EMB: variants seen among roughly 807,000 people sequenced by gnomAD.
EMB encodes the protein embigin.
A neutral mutation model predicts 41.4 loss-of-function variants in EMB; 31 were observed. That is an observed-to-expected ratio of 0.75 (90% CI 0.56 to 1.01). The LOEUF (loss-of-function observed/expected upper bound fraction) is 1.01. Ranked by LOEUF, EMB falls within the 50% of genes least tolerant of loss-of-function variation. The pLI is 0.00. For missense variants in EMB, 379 were observed against 388.3 expected (o/e 0.98, Z 0.20); for synonymous variants, 137 against 140.4 (o/e 0.98, Z 0.17).
In EMB at chr5:50,412,240, C is replaced by CCACA. The variant is rs373420424; in HGVS notation, c.197-861_197-858dup. Among the ~76,000 whole-genome samples, 117 of 135,044 alleles carry CCACA rather than the reference C, an allele frequency of 8.7e-4. 1 individual carries two copies. The South Asian group carries it at 0.012, about 14-fold the overall frequency. The allele number at this position is 135,044 out of a possible 152,430, so 88.6% of individuals were successfully genotyped here. A position where few individuals can be genotyped will look rare whatever the true frequency, so the allele number is the denominator to read the frequency against. On this transcript the variant is annotated intron_variant, in intron 2 of 8. Coordinates refer to ENST00000303221, the MANE Select transcript of EMB (RefSeq NM_198449.3). ...CTTGAAAACAATACACACACACACA[C>CCACA]CACACACACACACACAGACACACAC... is the stretch of plus-strand genomic sequence containing the variant.
chr5:50,437,800 C>T (rs141517076), intron 1 of EMB, among the ~76,000 whole-genome samples: 5,486 of 152,176 alleles, frequency 0.036, 150 homozygotes, highest in South Asian at 0.08. Flanking sequence ...AAGCCACGTC[C>T]TCTGGAAGTT....
chr5:50,401,803 T>A (rs1305583014), intron 7 of EMB, among the ~76,000 whole-genome samples: 1 of 151,938 alleles, frequency 6.6e-6, no homozygotes, highest in Admixed American at 6.6e-5. Flanking sequence ...AAATAACAGA[T>A]GCCATAGCCC....
intron 1 of EMB, 108 bp from the exon 2 acceptor site, chr5:50,428,335 T>C: frequency 8.0e-7 from 1 of 1,255,276 alleles, no homozygotes; most frequent in Non-Finnish European, 1.1e-6. Context: ...AATGAAAAAC[T>C]GTGTTTTCAG....
intron 2 of EMB, among the ~76,000 whole-genome samples, chr5:50,426,793 C>T (rs904009382): frequency 6.7e-6 from 1 of 148,778 alleles, no homozygotes; most frequent in Admixed American, 6.8e-5. Context: ...ATCTTAACAG[C>T]AGTAAGAAGA....
At chr5:50,426,787 TAAC>T (rs1042598336) in intron 2 of EMB, among the ~76,000 whole-genome samples, 3 of 151,366 alleles carry the variant, frequency 2.0e-5, no homozygotes, top group Non-Finnish European at 4.4e-5. Flanking sequence ...TTAAAAATCT[TAAC>T]AGCAGTAAGA....
chr5:50,419,865 T>C (rs1207607658), intron 2 of EMB, among the ~76,000 whole-genome samples: 1 of 152,152 alleles, frequency 6.6e-6, no homozygotes, highest in East Asian at 1.9e-4. Flanking sequence ...AGGAACAAGA[T>C]CATGTCCTTT....
intron 2 of EMB, among the ~76,000 whole-genome samples, chr5:50,424,140 G>A (rs1251265593): frequency 1.3e-5 from 2 of 151,956 alleles, no homozygotes; most frequent in Admixed American, 6.6e-5. Flanking sequence ...CAGTTAACGG[G>A]TTTCATGCCC....
At chr5:50,425,486 T>C (rs1043304776) in intron 2 of EMB, among the ~76,000 whole-genome samples, 1 of 150,310 alleles carries the variant, frequency 6.7e-6, no homozygotes, top group Admixed American at 6.6e-5. Flanking sequence ...TAAACACTAA[T>C]ATGCAGAGAG....
chr5:50,430,269 A>G (rs563204461), intron 1 of EMB, among the ~76,000 whole-genome samples: 18 of 152,262 alleles, frequency 1.2e-4, no homozygotes, highest in African/African-American at 4.1e-4. Context: ...GTAAGCTTTG[A>G]TATCTTTGCT....
At chr5:50,428,642 A>T (rs964134663) in intron 1 of EMB, 23 of 653,910 alleles carry the variant, frequency 3.5e-5, no homozygotes, top group East Asian at 1.4e-4. Flanking sequence ...AAAGAGAATT[A>T]AAAAAAAAAA....
chr5:50,421,339 A>T (rs574627372), intron 2 of EMB, among the ~76,000 whole-genome samples: 1 of 152,328 alleles, frequency 6.6e-6, no homozygotes, highest in Non-Finnish European at 1.5e-5. Flanking sequence ...TCAAAACCAC[A>T]ATGAGATACC....
intron 4 of EMB, among the ~76,000 whole-genome samples, chr5:50,408,076 T>C (rs907794542): frequency 5.9e-5 from 9 of 151,990 alleles, no homozygotes; most frequent in African/African-American, 2.2e-4. Flanking sequence ...CCTAGCTGAT[T>C]CTATTATGCT....
At chr5:50,421,284 A>G (rs1451985274) in intron 2 of EMB, among the ~76,000 whole-genome samples, 2 of 151,854 alleles carry the variant, frequency 1.3e-5, no homozygotes, top group Non-Finnish European at 2.9e-5. Context: ...GCCAAAAGAC[A>G]CATGAAAAAA....
At chr5:50,424,906 C>T (rs1579737274) in intron 2 of EMB, among the ~76,000 whole-genome samples, 1 of 152,100 alleles carries the variant, frequency 6.6e-6, no homozygotes, top group East Asian at 1.9e-4. Flanking sequence ...AAAAGTTGAT[C>T]GCAGCCACTG....
chr5:50,401,061 A>G (rs1745154093), intron 7 of EMB, among the ~76,000 whole-genome samples: 1 of 152,068 alleles, frequency 6.6e-6, no homozygotes, highest in Admixed American at 6.6e-5. Context: ...ACGTGGAAAT[A>G]GGAAAGATTA....
At position 50,435,203 on chromosome 5, in the gene EMB, T is replaced by C. The variant is rs190657416; in HGVS notation, c.112+5837A>G. On this transcript the variant is annotated intron_variant, in intron 1 of 8. Transcript: ENST00000303221. ...ACAGAACATTTTCCCCTCTGAACCA[T>C]ATGAGTAAGTTTCTGACCTGATGCT... Among the ~76,000 whole-genome samples, 97 of 152,310 alleles carry C rather than the reference T, an allele frequency of 6.4e-4. 1 individual carries two copies. The highest frequency in any genetic ancestry group is 2.3e-3 in the African/African-American group (94 of 41,574).
intron 2 of EMB, among the ~76,000 whole-genome samples, chr5:50,422,492 G>T (rs951631484): frequency 2.6e-5 from 4 of 152,170 alleles, no homozygotes; most frequent in African/African-American, 9.6e-5. Context: ...AATATGATTA[G>T]AGTGCTATTT....
chr5:50,420,034 G>A (rs1476513285), intron 2 of EMB, among the ~76,000 whole-genome samples: 4 of 56,666 alleles, frequency 7.1e-5, no homozygotes, highest in Admixed American at 4.7e-4. Flanking sequence ...TGTCGATGGA[G>A]GGCAGGGGTG....
At chr5:50,407,951 C>T (rs1171561792) in intron 4 of EMB, among the ~76,000 whole-genome samples, 1 of 151,824 alleles carries the variant, frequency 6.6e-6, no homozygotes, top group Non-Finnish European at 1.5e-5. Flanking sequence ...ACAAATTGGC[C>T]TAAATGTCAT....
Sources: allele counts gnomAD v4.1 joint callset (sites outside exome capture counted in the v4.1 genomes callset), GRCh38; gene constraint gnomAD v4.1.1; transcripts MANE v1.5; gene names NCBI Gene and HGNC (gene_info 2026-07-23, HGNC 2026-07-21).